Variants in TXNL1 observed in about 807,000 individuals in gnomAD.
The protein encoded by TXNL1 is thioredoxin-like protein 1.
Under a neutral mutation model 35.5 loss-of-function variants are expected in TXNL1, and 14 were observed. That is an observed-to-expected ratio of 0.39 (90% CI 0.26 to 0.62). The LOEUF (loss-of-function observed/expected upper bound fraction) is 0.62, where lower values mean the gene tolerates loss of function less well. TXNL1 is among the 20% of genes least tolerant of loss of function. The pLI is 0.47. For missense variants in TXNL1, 263 were observed against 349.7 expected (o/e 0.75, Z 1.98); for synonymous variants, 110 against 115.5 (o/e 0.95, Z 0.31).
Position 56,616,536 on chromosome 18 carries a change from A to G in TXNL1, c.493-222T>C, listed in dbSNP as rs1249529832. Among the ~76,000 whole-genome samples the G allele has an allele frequency of 2.0e-5, 3 of 151,384 alleles. No individual in the cohort carries two copies. In the South Asian group the frequency reaches 6.4e-4, roughly 32 times the overall value. ...TGTATATAAGGGAATACAAGAAAAA[A>G]TTAATCAAGTAAATACTAAAACTAT... On this transcript the variant is annotated intron_variant, in intron 4 of 7. Transcript: ENST00000217515.
intron 7 of TXNL1, among the ~76,000 whole-genome samples, chr18:56,603,281 G>GTTTT (rs34882850): frequency 8.3e-6 from 1 of 120,396 alleles, no homozygotes; most frequent in Non-Finnish European, 1.9e-5. Flanking sequence ...GTTTCACACA[G>GTTTT]TTTTTTTTTT....
rs199594950 is a variant in TXNL1 at position 56,616,680 on chromosome 18, GTTTA to G, written c.493-370_493-367del. 2.8e-3 allele frequency among the ~76,000 whole-genome samples: 433 copies of G among 152,244 alleles called. 6 individuals carry two copies. In the East Asian group the frequency reaches 0.037, roughly 13 times the overall value. On this transcript the variant is annotated intron_variant, in intron 4 of 7. Coordinates refer to ENST00000217515, the MANE Select transcript of TXNL1 (RefSeq NM_004786.3). ...CATTTTAGCACATAGCTCTACGATG[GTTTA>G]TTTGTCAAGTATCTATCCACATCAC...
chr18:56,605,425 T>TA (rs1323833559), intron 7 of TXNL1, among the ~76,000 whole-genome samples: 1 of 152,224 alleles, frequency 6.6e-6, no homozygotes, highest in Non-Finnish European at 1.5e-5. Context: ...AAATAGCTGA[T>TA]ACGGTGAATG....
At chr18:56,626,162 C>G (rs962339970) in intron 2 of TXNL1, 199 bp downstream of exon 2, 1 of 1,297,380 alleles carries the variant, frequency 7.7e-7, no homozygotes, top group East Asian at 2.9e-5. Context: ...TAATACAAAC[C>G]TGAAGCAATT....
intron 3 of TXNL1, among the ~76,000 whole-genome samples, chr18:56,622,316 T>A (rs1483618838): frequency 1.3e-5 from 2 of 152,066 alleles, no homozygotes; most frequent in South Asian, 4.1e-4. Flanking sequence ...TTAAATGCAA[T>A]GCATGATCCT....
chr18:56,629,908 TA>T (rs2024344412), intron 1 of TXNL1, among the ~76,000 whole-genome samples: 1 of 152,122 alleles, frequency 6.6e-6, no homozygotes, highest in African/African-American at 2.4e-5. Flanking sequence ...AGAAAGATAG[TA>T]ACCAGACTGG....
At chr18:56,613,438 T>TA (rs1244355549) in intron 6 of TXNL1, among the ~76,000 whole-genome samples, 1 of 152,222 alleles carries the variant, frequency 6.6e-6, no homozygotes, top group African/African-American at 2.4e-5. Flanking sequence ...TAATAACTGC[T>TA]AAAAATTAGC....
rs1354628978 is a variant in TXNL1, at chr18:56,601,429, C to CT, written c.*1597dup. The CT allele has an allele frequency of 6.6e-6, 1 of 152,160 alleles. No individual in the cohort carries two copies. Among genetic ancestry groups the CT allele is most frequent in the Non-Finnish European group, 1.5e-5 (1 of 68,032 alleles). The allele number at this position is 152,160 out of a possible 1,614,324, so 9.4% of individuals were successfully genotyped here. On this transcript the variant is annotated 3_prime_UTR_variant, in exon 8 of 8. Coordinates refer to ENST00000217515, the MANE Select transcript of TXNL1 (RefSeq NM_004786.3). Reference sequence around the variant, plus strand: ...GGTCAGCAATACTTAGGATGAGGCACTTTAACAATTACTCAGAAAGGTTAA... The same window carrying CT: ...GGTCAGCAATACTTAGGATGAGGCACTTTTAACAATTACTCAGAAAGGTTAA...
intron 1 of TXNL1, among the ~76,000 whole-genome samples, chr18:56,627,187 A>C (rs1467478922): frequency 2.0e-5 from 3 of 152,108 alleles, no homozygotes; most frequent in African/African-American, 7.2e-5. Flanking sequence ...ATGAGCCCAG[A>C]TGTTACATTT....
At chr18:56,604,947 T>A (rs192174690) in intron 7 of TXNL1, among the ~76,000 whole-genome samples, 4 of 151,712 alleles carry the variant, frequency 2.6e-5, no homozygotes, top group Non-Finnish European at 2.9e-5. Context: ...ACTAGTTAAA[T>A]CTAAAACATT....
At chr18:56,616,070 T>G (rs1054258634) in intron 5 of TXNL1, among the ~76,000 whole-genome samples, 175 bp downstream of exon 5, 2 of 149,340 alleles carry the variant, frequency 1.3e-5, no homozygotes, top group Non-Finnish European at 3.0e-5. Flanking sequence ...AGGCAGAGAT[T>G]ACAGTGAGCT....
intron 1 of TXNL1, among the ~76,000 whole-genome samples, chr18:56,628,031 C>T (rs568741577): frequency 6.6e-6 from 1 of 152,164 alleles, no homozygotes; most frequent in Admixed American, 6.5e-5. Flanking sequence ...AAGGAGAAGA[C>T]TGAAACCCAA....
At chr18:56,617,652 T>A (rs1378398310) in intron 4 of TXNL1, among the ~76,000 whole-genome samples, 1 of 152,196 alleles carries the variant, frequency 6.6e-6, no homozygotes, top group Non-Finnish European at 1.5e-5. Flanking sequence ...GAGTGCTCAT[T>A]TCATTAGTCT....
In TXNL1 at chr18:56,611,102, C is replaced by CA. The variant is rs770230712; in HGVS notation, c.736-6dup. 37 of 1,576,834 alleles carry CA rather than the reference C, an allele frequency of 2.3e-5. No individual in the cohort carries two copies. Among genetic ancestry groups the CA allele is most frequent in the Middle Eastern group, 1.7e-4 (1 of 5,986 alleles). Reference sequence around the variant, plus strand: ...TTGATTCGACTGAACAAATATCTACCAAAAAAAAGTTTGCATTTATAATTA... The same window carrying CA: ...TTGATTCGACTGAACAAATATCTACCAAAAAAAAAGTTTGCATTTATAATTA... On this transcript the variant is annotated splice_region_variant and splice_polypyrimidine_tract_variant and intron_variant, in intron 6 of 7. Coordinates refer to ENST00000217515, the MANE Select transcript of TXNL1 (RefSeq NM_004786.3).
At chr18:56,615,638 C>A (rs941901189) in intron 5 of TXNL1, among the ~76,000 whole-genome samples, 3 of 152,048 alleles carry the variant, frequency 2.0e-5, no homozygotes, top group African/African-American at 7.2e-5. Flanking sequence ...TGAAATAAAT[C>A]TTTCAGTTTT....
intron 1 of TXNL1, among the ~76,000 whole-genome samples, chr18:56,638,000 G>A (rs1013616638): frequency 2.0e-5 from 3 of 152,186 alleles, no homozygotes; most frequent in African/African-American, 4.8e-5. Flanking sequence ...GAAAGAAGGG[G>A]TCAGGCTCAG....
At chr18:56,622,939 A>T (rs2024212278) in intron 3 of TXNL1, among the ~76,000 whole-genome samples, 1 of 152,238 alleles carries the variant, frequency 6.6e-6, no homozygotes, top group Admixed American at 6.5e-5. Context: ...TCCTTAAATT[A>T]ATGCTGGTAT....
Position 56,634,057 on chromosome 18 carries a change from A to T in TXNL1, c.98+4286T>A, listed in dbSNP as rs150553464. On this transcript the variant is annotated intron_variant, in intron 1 of 7. Coordinates refer to ENST00000217515, the MANE Select transcript of TXNL1 (RefSeq NM_004786.3). ...GGGAGGGGGGAGACCAGGGACAACGAACGACACAATGTATATTCTTTTAAC... is the reference window on the plus strand; with the variant it reads ...GGGAGGGGGGAGACCAGGGACAACGTACGACACAATGTATATTCTTTTAAC... Among the ~76,000 whole-genome samples, 112 of 152,060 alleles carry T rather than the reference A, an allele frequency of 7.4e-4. 1 individual carries two copies. The Middle Eastern group carries it at 0.02, about 28-fold the overall frequency.
intron 7 of TXNL1, among the ~76,000 whole-genome samples, chr18:56,605,940 TAA>T (rs2023885288): frequency 6.6e-6 from 1 of 152,214 alleles, no homozygotes; most frequent in African/African-American, 2.4e-5. Context: ...TCACACAAGA[TAA>T]AAATATAAAC....
Sources: gnomAD v4.1 joint callset for allele counts (sites outside exome capture counted in the v4.1 genomes callset) on GRCh38, gnomAD v4.1.1 for gene constraint, MANE v1.5 for transcripts, NCBI Gene and HGNC (gene_info 2026-07-23, HGNC 2026-07-21) for gene names.